The following MOV10L1 variants were observed in gnomAD, a reference collection of about 807,000 sequenced individuals.
MOV10L1 encodes RNA helicase Mov10l1.
Under a neutral mutation model 143.8 loss-of-function variants are expected in MOV10L1, and 110 were observed. That is an observed-to-expected ratio of 0.76 (90% confidence interval 0.66 to 0.90). The LOEUF (loss-of-function observed/expected upper bound fraction) is 0.90, where lower values mean the gene tolerates loss of function less well. Among genes scored for constraint, MOV10L1 ranks in the 40% least tolerant of loss-of-function variants. MOV10L1 has a pLI of 0.00. For missense variants in MOV10L1, 1,406 were observed against 1,526.8 expected (o/e 0.92, Z 1.32); for synonymous variants, 593 against 581.1 (o/e 1.02, Z -0.29).
chr22:50,150,648 C>G, intron 20 of MOV10L1, 87 bp from the exon 21 acceptor site: 1 of 1,454,690 alleles, frequency 6.9e-7, no homozygotes, highest in Admixed American at 2.0e-5. Context: ...TGGGGCCATC[C>G]TGCGCACAGC....
intron 7 of MOV10L1, among the ~76,000 whole-genome samples, 163 bp downstream of exon 7, chr22:50,114,785 G>T (rs146499597): frequency 1.2e-4 from 18 of 152,314 alleles, no homozygotes; most frequent in African/African-American, 4.3e-4. Context: ...TGCTGACGAC[G>T]TTAGGGAGAG....
chr22:50,114,526 T>C lies in MOV10L1; in HGVS notation c.1030T>C (p.Ser344Pro). ...TTCTGTTCCTGAGAAGGAGAATTCA[T>C]CAGATGAAAATATTAATTCATTAAA... is the stretch of plus-strand genomic sequence containing the variant. ...FVSVPEKENS[S>P]DENINSLNSH... Residue 344 changes from serine (S) to proline (P), a missense_variant, in exon 7 of 27, where the codon TCA becomes CCA. By Grantham distance (74) the Ser-to-Pro change is moderately conservative. Around this residue, in one of 3 missense-constraint regions of MOV10L1, gnomAD observed 1,233 missense variants for 1,351.4 expected, o/e 0.91. Coordinates refer to ENST00000262794, the MANE Select transcript of MOV10L1 (RefSeq NM_018995.3). The C allele has an allele frequency of 6.2e-7, 1 of 1,614,204 alleles. No individual in the cohort carries two copies. The highest frequency in any genetic ancestry group is 2.2e-5 in the East Asian group (1 of 44,876).
chr22:50,103,016 AG>A (rs1328270272), intron 3 of MOV10L1, among the ~76,000 whole-genome samples: 3 of 152,180 alleles, frequency 2.0e-5, no homozygotes, highest in Non-Finnish European at 4.4e-5. Flanking sequence ...CCTTGAGGCT[AG>A]GGCAGAGCTG....
rs1459398686 is a variant in MOV10L1 at position 50,159,154 on chromosome 22, T to C, written c.3217-524T>C. ...GAGGGAGGATTTTCCACATGAAACT[T>C]GGCTTTCCTAGTAAGCATTGTCCCC... is the stretch of plus-strand genomic sequence containing the variant. On this transcript the variant is annotated intron_variant, in intron 23 of 26. Transcript: ENST00000262794. This position sits in a 1 kb window ranked among gnomAD's most constrained non-coding sequence, Gnocchi z 4.1. 1.3e-5 allele frequency: 2 copies of C among 152,246 alleles called. No homozygotes were observed. The highest frequency in any genetic ancestry group is 2.9e-5 in the Non-Finnish European group (2 of 68,054). 9.4% of individuals were successfully genotyped at this position (152,246 alleles called of 1,614,324 possible). A position where few individuals can be genotyped will look rare whatever the true frequency, so the allele number is the denominator to read the frequency against.
At chr22:50,106,630 G>A (rs918121055) in intron 3 of MOV10L1, among the ~76,000 whole-genome samples, 19 of 151,310 alleles carry the variant, frequency 1.3e-4, no homozygotes, top group African/African-American at 4.6e-4. Flanking sequence ...ATGAAGGCAT[G>A]GTTTACAAAA....
At chr22:50,102,673 G>A (rs149394305) in intron 3 of MOV10L1, among the ~76,000 whole-genome samples, 168 of 152,196 alleles carry the variant, frequency 1.1e-3, no homozygotes, top group African/African-American at 3.9e-3. Flanking sequence ...AGGCTGAGGC[G>A]GGCGGATCAC....
chr22:50,131,980 T>C (rs989837338), intron 13 of MOV10L1, among the ~76,000 whole-genome samples: 1 of 152,222 alleles, frequency 6.6e-6, no homozygotes, highest in Non-Finnish European at 1.5e-5. Flanking sequence ...CTGGTGAGAC[T>C]GCTTCCTGGT....
intron 8 of MOV10L1, among the ~76,000 whole-genome samples, chr22:50,116,208 T>A (rs1940065894): frequency 6.6e-6 from 1 of 151,356 alleles, no homozygotes; most frequent in African/African-American, 2.4e-5. Context: ...TTTTTTTTTT[T>A]GACATTATGA....
chr22:50,138,122 A>G (rs1457116741), intron 15 of MOV10L1, among the ~76,000 whole-genome samples: 1 of 152,162 alleles, frequency 6.6e-6, no homozygotes, highest in Non-Finnish European at 1.5e-5. Context: ...ATAAAAGGAA[A>G]TTTCTTTTAC....
chr22:50,103,197 G>C (rs1402940730), intron 3 of MOV10L1, among the ~76,000 whole-genome samples: 1 of 152,224 alleles, frequency 6.6e-6, no homozygotes, highest in African/African-American at 2.4e-5. Context: ...TGGACAGCGT[G>C]CTGGGGCACG....
At chr22:50,097,351 C>A (rs185134861) in intron 2 of MOV10L1, among the ~76,000 whole-genome samples, 6 of 152,120 alleles carry the variant, frequency 3.9e-5, no homozygotes, top group Non-Finnish European at 7.4e-5. Context: ...TCAAGTGATC[C>A]GCCCATCCCA....
chr22:50,136,783 C>G (rs2062832794), intron 15 of MOV10L1, among the ~76,000 whole-genome samples: 1 of 152,176 alleles, frequency 6.6e-6, no homozygotes, highest in South Asian at 2.1e-4. Context: ...GAGCATTGAT[C>G]AGTGCATGAT....
chr22:50,138,168 T>C (rs1375051832), intron 15 of MOV10L1, among the ~76,000 whole-genome samples: 1 of 152,160 alleles, frequency 6.6e-6, no homozygotes, highest in Non-Finnish European at 1.5e-5. Flanking sequence ...TGAATGTTCT[T>C]TGCTTGTAAG....
intron 19 of MOV10L1, among the ~76,000 whole-genome samples, chr22:50,148,388 C>T (rs1446860384): frequency 6.6e-6 from 1 of 152,196 alleles, no homozygotes; most frequent in Non-Finnish European, 1.5e-5. Context: ...ATGTGCCGAG[C>T]GAGCTCCTGC....
chr22:50,106,564 T>G (rs1378172813), intron 3 of MOV10L1, among the ~76,000 whole-genome samples: 1 of 152,124 alleles, frequency 6.6e-6, no homozygotes, highest in Admixed American at 6.5e-5. Flanking sequence ...ACTTTTCATT[T>G]ATGTCCAGGG....
intron 1 of MOV10L1, chr22:50,090,629 C>A: frequency 7.5e-7 from 1 of 1,334,390 alleles, no homozygotes; most frequent in Non-Finnish European, 1.1e-6. Context: ...CTTTCTAAAG[C>A]CCGGGATGCG....
rs375308496 is a variant in MOV10L1, at chr22:50,090,039, G to T, written c.-50G>T. The T allele has an allele frequency of 2.5e-6, 3 of 1,186,530 alleles. No individual in the cohort carries two copies. The highest frequency in any genetic ancestry group is 3.1e-6 in the Non-Finnish European group (3 of 956,506). The allele number at this position is 1,186,530 out of a possible 1,614,324, so 73.5% of individuals were successfully genotyped here. A position where few individuals can be genotyped will look rare whatever the true frequency, so the allele number is the denominator to read the frequency against. On this transcript the variant is annotated 5_prime_UTR_variant, in exon 1 of 27. Coordinates refer to ENST00000262794, the MANE Select transcript of MOV10L1 (RefSeq NM_018995.3). Reference sequence around the variant, plus strand: ...CGGGCGGCGGGAGCGGCGCGGGCGCGTGCGGGCGGCGGCAGCGGCGGTGAC... The same window carrying T: ...CGGGCGGCGGGAGCGGCGCGGGCGCTTGCGGGCGGCGGCAGCGGCGGTGAC...
intron 10 of MOV10L1, among the ~76,000 whole-genome samples, chr22:50,121,412 G>A (rs962848226): frequency 2.0e-5 from 3 of 152,198 alleles, no homozygotes; most frequent in South Asian, 2.1e-4. Context: ...AGTGGCTCTC[G>A]TCTGACCTGT....
chr22:50,094,712 T>A (rs2062544791), intron 2 of MOV10L1: 1 of 152,190 alleles, frequency 6.6e-6, no homozygotes. Context: ...TTAAATGTAA[T>A]TTGGAATCTG....
Sources: allele counts gnomAD v4.1 joint callset (sites outside exome capture counted in the v4.1 genomes callset), GRCh38; gene constraint gnomAD v4.1.1; regional missense constraint gnomAD v4.1.1; non-coding constraint Gnocchi (gnomAD v3.1); transcripts MANE v1.5; gene names NCBI Gene and HGNC (gene_info 2026-07-23, HGNC 2026-07-21).